LRMDA: variants seen among roughly 807,000 people sequenced by gnomAD.
LRMDA encodes the protein leucine-rich melanocyte differentiation-associated protein.
Under a neutral mutation model 29.8 loss-of-function variants are expected in LRMDA, and 18 were observed. That is an observed-to-expected ratio of 0.60 (90% CI 0.42 to 0.90). LRMDA has a LOEUF of 0.90. LRMDA is among the 40% of genes least tolerant of loss of function. The probability of loss-of-function intolerance (pLI) is 0.00; values close to 1 mark genes in which losing one functional copy is unlikely to be tolerated. For synonymous variants in LRMDA, 125 were observed against 109.4 expected (o/e 1.14, Z -0.89); for missense variants, 273 against 273.9 (o/e 1.00, Z 0.02).
chr10:75,887,585 A>G (rs1845412267), intron 2 of LRMDA, among the ~76,000 whole-genome samples: 1 of 151,998 alleles, frequency 6.6e-6, no homozygotes, highest in Admixed American at 6.6e-5. Flanking sequence ...ACACAGCTGC[A>G]CCCATTTATA....
chr10:76,198,282 G>A (rs1226106319), intron 5 of LRMDA, among the ~76,000 whole-genome samples: 1 of 152,224 alleles, frequency 6.6e-6, no homozygotes, highest in Non-Finnish European at 1.5e-5. Flanking sequence ...CTGATTCAGT[G>A]GGTCTAGGGT....
intron 2 of LRMDA, among the ~76,000 whole-genome samples, chr10:75,816,577 A>G (rs1039219576): frequency 3.9e-5 from 6 of 152,198 alleles, no homozygotes; most frequent in Non-Finnish European, 8.8e-5. Flanking sequence ...GAGGCTCAAG[A>G]GGTTTGATTT....
chr10:76,121,105 C>T (rs80030139), intron 5 of LRMDA, among the ~76,000 whole-genome samples: 4 of 151,024 alleles, frequency 2.6e-5, no homozygotes, highest in East Asian at 2.0e-4. Context: ...ACCACCCGCA[C>T]GTAGGATCTC....
intron 2 of LRMDA, among the ~76,000 whole-genome samples, chr10:75,890,649 T>A (rs1845471154): frequency 6.6e-6 from 1 of 152,174 alleles, no homozygotes. Flanking sequence ...AGAGGACCTG[T>A]ACCATGCTTT....
At chr10:76,172,522 A>T (rs1328393351) in intron 5 of LRMDA, among the ~76,000 whole-genome samples, 1 of 152,192 alleles carries the variant, frequency 6.6e-6, no homozygotes, top group East Asian at 1.9e-4. Flanking sequence ...AAAGGAGAGC[A>T]TTAATGGAGA....
chr10:75,703,326 T>C (rs1344914523), intron 2 of LRMDA, among the ~76,000 whole-genome samples: 1 of 152,164 alleles, frequency 6.6e-6, no homozygotes, highest in Non-Finnish European at 1.5e-5. Flanking sequence ...TTAGCAGCAA[T>C]GAGGCAGAAA....
At position 75,535,305 on chromosome 10, in the gene LRMDA, C is replaced by T. The variant is rs1424299969; in HGVS notation, c.131+96811C>T. ...AACAACCTGAAATAGTAAGCCTTTTCTGCTTTCTAATTTCCTCCCTAGAAT... is the reference window on the plus strand; with the variant it reads ...AACAACCTGAAATAGTAAGCCTTTTTTGCTTTCTAATTTCCTCCCTAGAAT... On this transcript the variant is annotated intron_variant, in intron 2 of 6. Transcript: ENST00000611255. Among the ~76,000 whole-genome samples, 7 of 152,138 alleles carry T rather than the reference C, an allele frequency of 4.6e-5. No homozygotes were observed. The East Asian group carries it at 1.3e-3, about 29-fold the overall frequency.
chr10:76,037,856 A>G (rs1848278689), intron 3 of LRMDA, among the ~76,000 whole-genome samples: 1 of 152,226 alleles, frequency 6.6e-6, no homozygotes, highest in Non-Finnish European at 1.5e-5. Context: ...AGACCATAGT[A>G]TTATAAATAT....
intron 6 of LRMDA, among the ~76,000 whole-genome samples, chr10:76,397,116 A>G (rs1019581150): frequency 6.6e-6 from 1 of 151,978 alleles, no homozygotes; most frequent in Non-Finnish European, 1.5e-5. Flanking sequence ...TTATTAAACC[A>G]TTTGTCAGGG....
intron 6 of LRMDA, among the ~76,000 whole-genome samples, chr10:76,459,939 G>A (rs986821822): frequency 6.6e-6 from 1 of 152,140 alleles, no homozygotes; most frequent in Non-Finnish European, 1.5e-5. Flanking sequence ...GTGCTCACTG[G>A]GTGATGAGCC....
chr10:75,818,709 G>T (rs1844103390), intron 2 of LRMDA, among the ~76,000 whole-genome samples: 1 of 152,214 alleles, frequency 6.6e-6, no homozygotes, highest in African/African-American at 2.4e-5. Flanking sequence ...GCAGAGCACA[G>T]ACCTGTCATG....
chr10:76,533,187 C>A (rs773144098), intron 6 of LRMDA, among the ~76,000 whole-genome samples: 18 of 152,102 alleles, frequency 1.2e-4, no homozygotes, highest in Admixed American at 2.6e-4. Context: ...ATCACAAACA[C>A]CTGTAAAGTG....
intron 2 of LRMDA, among the ~76,000 whole-genome samples, chr10:75,959,517 G>GCACACACACACACA (rs3042540): frequency 1.3e-5 from 2 of 150,008 alleles, no homozygotes; most frequent in African/African-American, 4.9e-5. Flanking sequence ...GCACGTGCAT[G>GCACACACACACACA]CACACACACA....
intron 5 of LRMDA, among the ~76,000 whole-genome samples, chr10:76,238,996 T>C (rs1852216905): frequency 6.6e-6 from 1 of 152,114 alleles, no homozygotes; most frequent in African/African-American, 2.4e-5. Context: ...ACAGGTATTA[T>C]GGGAAAGGAA....
At chr10:76,001,752 A>G (rs1847566860) in intron 2 of LRMDA, among the ~76,000 whole-genome samples, 1 of 152,130 alleles carries the variant, frequency 6.6e-6, no homozygotes, top group Non-Finnish European at 1.5e-5. Context: ...TAATGAGTTT[A>G]GAGGAGAGCC....
At chr10:75,493,151 G>C (rs558851688) in intron 2 of LRMDA, among the ~76,000 whole-genome samples, 1 of 152,120 alleles carries the variant, frequency 6.6e-6, no homozygotes. Context: ...GCTGACTGCT[G>C]TGAGTTTAAG....
chr10:76,001,374 A>T (rs1463680750), intron 2 of LRMDA, among the ~76,000 whole-genome samples: 1 of 152,198 alleles, frequency 6.6e-6, no homozygotes, highest in Non-Finnish European at 1.5e-5. Flanking sequence ...AAGCCCCATC[A>T]CACAGCGTAT....
chr10:76,420,059 T>G (rs1041557560), intron 6 of LRMDA, among the ~76,000 whole-genome samples: 3 of 152,026 alleles, frequency 2.0e-5, no homozygotes, highest in Non-Finnish European at 2.9e-5. Flanking sequence ...CAGTATAAAA[T>G]TTTACTACCC....
At chr10:75,606,194 C>T (rs1840954516) in intron 2 of LRMDA, among the ~76,000 whole-genome samples, 1 of 151,786 alleles carries the variant, frequency 6.6e-6, no homozygotes, top group African/African-American at 2.4e-5. Context: ...GTAAAGTTCA[C>T]TGCTGGTAAC....
Sources: gnomAD v4.1 joint callset for allele counts (sites outside exome capture counted in the v4.1 genomes callset) on GRCh38, gnomAD v4.1.1 for gene constraint, MANE v1.5 for transcripts, NCBI Gene and HGNC (gene_info 2026-07-23, HGNC 2026-07-21) for gene names.